C12orf42: variants seen among roughly 807,000 people sequenced by gnomAD.
C12orf42 encodes the protein chromosome 12 open reading frame 42, also known as uncharacterized protein C12orf42.
A neutral mutation model predicts 21.6 loss-of-function variants in C12orf42; 25 were observed. The observed-to-expected ratio is 1.16, with a 90% CI of 0.84 to 1.62. The LOEUF is 1.62. Ranked by LOEUF, C12orf42 falls within the 40% of genes most tolerant of loss-of-function variation. The pLI is 0.00. For synonymous variants in C12orf42, 174 were observed against 175.0 expected (o/e 0.99, Z 0.05); for missense variants, 483 against 459.3 (o/e 1.05, Z -0.47).
chr12:103,091,852 T>C, the C12orf42 span, among the ~76,000 whole-genome samples: 1 of 152,212 alleles, frequency 6.6e-6, no homozygotes, highest in Admixed American at 6.5e-5. Context: ...AGACCAAATC[T>C]TGTCCTCACC....
At chr12:103,427,344 C>A (rs1592755146) in intron 2 of C12orf42, among the ~76,000 whole-genome samples, 2 of 138,702 alleles carry the variant, frequency 1.4e-5, no homozygotes. Context: ...ATAAAACAGA[C>A]ATTAAGCCAA....
chr12:103,395,258 T>A (rs567271437), intron 3 of C12orf42, among the ~76,000 whole-genome samples: 18 of 152,186 alleles, frequency 1.2e-4, no homozygotes, highest in Admixed American at 9.2e-4. Context: ...TGATCTCAAA[T>A]ACATTTTCAA....
chr12:103,094,138 C>T, the C12orf42 span, among the ~76,000 whole-genome samples: 2 of 152,192 alleles, frequency 1.3e-5, no homozygotes, highest in South Asian at 4.1e-4. Context: ...TGCCACTAGC[C>T]TATATCAGGT....
the C12orf42 span, among the ~76,000 whole-genome samples, chr12:103,524,939 G>A: frequency 2.4e-5 from 3 of 122,690 alleles, no homozygotes; most frequent in Non-Finnish European, 4.9e-5. Flanking sequence ...AACTAAATTG[G>A]AAGTTGTTCT....
At chr12:103,315,451 T>C (rs747908511) in intron 4 of C12orf42, among the ~76,000 whole-genome samples, 5 of 152,152 alleles carry the variant, frequency 3.3e-5, no homozygotes, top group Non-Finnish European at 5.9e-5. Context: ...AATGGGTTCA[T>C]CTGTAGTTTG....
intron 10 of C12orf42, among the ~76,000 whole-genome samples, chr12:103,247,625 C>G (rs991000365): frequency 6.6e-6 from 1 of 151,982 alleles, no homozygotes; most frequent in Non-Finnish European, 1.5e-5. Flanking sequence ...TTCTTCTTTT[C>G]CTTTCTAATG....
intron 4 of C12orf42, among the ~76,000 whole-genome samples, chr12:103,318,348 G>A (rs2136792841): frequency 6.6e-6 from 1 of 152,216 alleles, no homozygotes; most frequent in East Asian, 1.9e-4. Flanking sequence ...GTCTTCTTGT[G>A]CATGTACCCT....
chr12:103,562,951 C>T, the C12orf42 span, among the ~76,000 whole-genome samples: 6 of 152,224 alleles, frequency 3.9e-5, no homozygotes, highest in African/African-American at 1.4e-4. Flanking sequence ...TGACATAACA[C>T]CTTCCCTTCT....
chr12:103,357,360 AT>A (rs1428466072), intron 4 of C12orf42, among the ~76,000 whole-genome samples: 11 of 151,772 alleles, frequency 7.2e-5, no homozygotes, highest in African/African-American at 2.7e-4. Context: ...ATAATGTTCC[AT>A]TTTCTGTTCT....
chr12:103,204,280 TA>T, the C12orf42 span, among the ~76,000 whole-genome samples: 2 of 152,176 alleles, frequency 1.3e-5, no homozygotes, highest in African/African-American at 4.8e-5. Context: ...TCAACTTCTT[TA>T]AAAAATCCCA....
the C12orf42 span, chr12:103,168,387 C>A: frequency 4.6e-3 from 1,024 of 224,040 alleles, 3 homozygotes; most frequent in Non-Finnish European, 6.8e-3. Flanking sequence ...TCAACTCTTT[C>A]AATCAAGAGA....
chr12:103,501,838 C>G, the C12orf42 span, among the ~76,000 whole-genome samples: 1 of 152,138 alleles, frequency 6.6e-6, no homozygotes, highest in Non-Finnish European at 1.5e-5. Context: ...CCACAGACAT[C>G]TTTTATTTAA....
chr12:103,151,683 G>C, the C12orf42 span, among the ~76,000 whole-genome samples: 9 of 152,086 alleles, frequency 5.9e-5, no homozygotes, highest in African/African-American at 1.7e-4. Flanking sequence ...AAAAATATCT[G>C]ATCAGATTTA....
chr12:103,213,305 T>C, the C12orf42 span, among the ~76,000 whole-genome samples: 1 of 152,152 alleles, frequency 6.6e-6, no homozygotes, highest in East Asian at 1.9e-4. Context: ...AAGTAAGTGA[T>C]AGGATCAGGA....
At chr12:103,167,890 GT>G in the C12orf42 span, 1 of 298,794 alleles carries the variant, frequency 3.3e-6, no homozygotes, top group Non-Finnish European at 6.4e-6. Context: ...GTGTGTGTGT[GT>G]GTGTGTGTGT....
chr12:103,094,121 C>G, the C12orf42 span, among the ~76,000 whole-genome samples: 1 of 152,176 alleles, frequency 6.6e-6, no homozygotes, highest in Non-Finnish European at 1.5e-5. Context: ...TTTGTTTCTA[C>G]TTTCCCTGCC....
intron 4 of C12orf42, among the ~76,000 whole-genome samples, chr12:103,289,387 T>C (rs1341191276): frequency 6.6e-6 from 1 of 152,176 alleles, no homozygotes; most frequent in East Asian, 1.9e-4. Flanking sequence ...TACTTAGGAA[T>C]ATTTTTGGAC....
At chr12:103,079,280 CAG>C in the C12orf42 span, among the ~76,000 whole-genome samples, 1 of 152,052 alleles carries the variant, frequency 6.6e-6, no homozygotes, top group African/African-American at 2.4e-5. Context: ...TGACTCTGAA[CAG>C]AGTCAAGCTT....
At chr12:103,345,877 A>G (rs970101039) in intron 4 of C12orf42, among the ~76,000 whole-genome samples, 28 of 152,158 alleles carry the variant, frequency 1.8e-4, no homozygotes, top group African/African-American at 6.5e-4. Flanking sequence ...AATTGTAAAT[A>G]CTCTATGATT....
Sources: gnomAD v4.1 joint callset for allele counts (sites outside exome capture counted in the v4.1 genomes callset) on GRCh38, gnomAD v4.1.1 for gene constraint, MANE v1.5 for transcripts, NCBI Gene and HGNC (gene_info 2026-07-23, HGNC 2026-07-21) for gene names.